The following BCKDHB variants were observed in gnomAD, a reference collection of about 807,000 sequenced individuals.
BCKDHB encodes branched chain keto acid dehydrogenase E1 subunit beta, also known as 2-oxoisovalerate dehydrogenase subunit beta, mitochondrial.
Under a neutral mutation model 48.5 loss-of-function variants are expected in BCKDHB, and 41 were observed. The observed-to-expected ratio is 0.85, with a 90% CI of 0.66 to 1.10. The LOEUF is 1.10. Among genes scored for constraint, BCKDHB ranks in the 50% least tolerant of loss-of-function variants. BCKDHB has a pLI of 0.00. For synonymous variants in BCKDHB, 201 were observed against 174.8 expected (o/e 1.15, Z -1.18); for missense variants, 496 against 494.2 (o/e 1.00, Z -0.03).
chr6:80,166,910 C>T (rs1489235785), intron 3 of BCKDHB, among the ~76,000 whole-genome samples: 1 of 152,030 alleles, frequency 6.6e-6, no homozygotes, highest in Non-Finnish European at 1.5e-5. Flanking sequence ...ATGTTTAAAT[C>T]ATCTCTATTT....
At chr6:80,294,645 T>G (rs1323802931) in intron 9 of BCKDHB, among the ~76,000 whole-genome samples, 2 of 152,206 alleles carry the variant, frequency 1.3e-5, no homozygotes, top group Non-Finnish European at 2.9e-5. Flanking sequence ...GTCTGTCTTA[T>G]GTGCTTGAGA....
chr6:80,405,771 A>T, the BCKDHB span, among the ~76,000 whole-genome samples: 1 of 152,150 alleles, frequency 6.6e-6, no homozygotes. Context: ...TTTTAGGTTG[A>T]TAACAATTTA....
chr6:80,446,759 C>T, the BCKDHB span, among the ~76,000 whole-genome samples: 4 of 121,208 alleles, frequency 3.3e-5, no homozygotes, highest in Non-Finnish European at 6.5e-5. Context: ...GGAGCATTCT[C>T]TCTTACAGAC....
At chr6:80,153,439 G>A (rs1771889214) in intron 3 of BCKDHB, among the ~76,000 whole-genome samples, 1 of 152,028 alleles carries the variant, frequency 6.6e-6, no homozygotes. Context: ...TAGAGTTTGA[G>A]GATAGTGGAT....
chr6:80,464,460 T>C, the BCKDHB span, among the ~76,000 whole-genome samples: 3 of 152,120 alleles, frequency 2.0e-5, no homozygotes, highest in Non-Finnish European at 4.4e-5. Context: ...CACTTAGCTC[T>C]ACTAATTATT....
chr6:80,107,256 C>T (rs1769125061), intron 1 of BCKDHB, among the ~76,000 whole-genome samples: 1 of 149,322 alleles, frequency 6.7e-6, no homozygotes, highest in African/African-American at 2.5e-5. Flanking sequence ...CTGGCCAGGA[C>T]TGGGCCACTA....
At position 80,127,531 on chromosome 6, in the gene BCKDHB, T is replaced by C. The variant is rs759961267; in HGVS notation, c.197-16T>C. On this transcript the variant is annotated splice_polypyrimidine_tract_variant and intron_variant, in intron 1 of 9. Transcript: ENST00000320393. ...TTTTACAACACACGAAATGATTTTTTTTTTGATTTTCACAGGGCAAACTCA... is the reference window on the plus strand; with the variant it reads ...TTTTACAACACACGAAATGATTTTTCTTTTGATTTTCACAGGGCAAACTCA... 2.4e-5 allele frequency: 38 copies of C among 1,605,210 alleles called. 1 individual carries two copies. The South Asian group carries it at 4.2e-4, about 18-fold the overall frequency.
intron 6 of BCKDHB, among the ~76,000 whole-genome samples, chr6:80,184,802 C>G (rs1335215591): frequency 1.3e-5 from 2 of 152,176 alleles, no homozygotes; most frequent in Non-Finnish European, 2.9e-5. Flanking sequence ...GCTGAGAAAT[C>G]TGCTGTTAAT....
chr6:80,318,710 G>T (rs1210439725), intron 9 of BCKDHB, among the ~76,000 whole-genome samples: 1 of 139,460 alleles, frequency 7.2e-6, no homozygotes, highest in Admixed American at 7.0e-5. Context: ...AAAAAGAAAA[G>T]AAATTAGAAA....
intron 3 of BCKDHB, among the ~76,000 whole-genome samples, chr6:80,135,681 T>C (rs1360502382): frequency 4.7e-4 from 72 of 152,184 alleles, no homozygotes; most frequent in Non-Finnish European, 2.2e-4. Flanking sequence ...TGGTCAAATA[T>C]ATATAACATT....
chr6:80,196,761 G>A (rs1420250953), intron 6 of BCKDHB, among the ~76,000 whole-genome samples: 1 of 152,086 alleles, frequency 6.6e-6, no homozygotes, highest in Non-Finnish European at 1.5e-5. Flanking sequence ...ATAGAATGGG[G>A]CCAAGGATGA....
At chr6:80,164,661 AATT>A (rs1582266512) in intron 3 of BCKDHB, among the ~76,000 whole-genome samples, 1 of 152,206 alleles carries the variant, frequency 6.6e-6, no homozygotes, top group East Asian at 1.9e-4. Context: ...TAAATGTATG[AATT>A]ATTATAGTCT....
the BCKDHB span, among the ~76,000 whole-genome samples, chr6:80,383,440 A>G: frequency 6.6e-6 from 1 of 152,226 alleles, no homozygotes; most frequent in Admixed American, 6.5e-5. Context: ...TTTAATGTAG[A>G]CAATTACATA....
intron 9 of BCKDHB, among the ~76,000 whole-genome samples, chr6:80,297,392 A>G (rs900572634): frequency 6.6e-6 from 1 of 152,214 alleles, no homozygotes; most frequent in Non-Finnish European, 1.5e-5. Flanking sequence ...CTGACAAACT[A>G]TTTGATTTAA....
chr6:80,207,063 G>A (rs1020882567), intron 8 of BCKDHB, among the ~76,000 whole-genome samples: 2 of 151,914 alleles, frequency 1.3e-5, no homozygotes, highest in Non-Finnish European at 2.9e-5. Flanking sequence ...TCACTAGCAG[G>A]CTCTCACTAA....
At chr6:80,278,761 CT>C (rs1336737423) in intron 9 of BCKDHB, among the ~76,000 whole-genome samples, 4 of 152,062 alleles carry the variant, frequency 2.6e-5, no homozygotes, top group African/African-American at 9.7e-5. Flanking sequence ...GTTTCACCAT[CT>C]TGGCCAGGCT....
At chr6:80,422,973 G>A in the BCKDHB span, among the ~76,000 whole-genome samples, 1 of 152,150 alleles carries the variant, frequency 6.6e-6, no homozygotes, top group African/African-American at 2.4e-5. Flanking sequence ...ATGTGAAAGG[G>A]ACATGAAATT....
At chr6:80,442,796 A>G in the BCKDHB span, among the ~76,000 whole-genome samples, 1 of 152,194 alleles carries the variant, frequency 6.6e-6, no homozygotes, top group Non-Finnish European at 1.5e-5. Flanking sequence ...TTCTAAAAGG[A>G]TATAACTTGC....
intron 9 of BCKDHB, among the ~76,000 whole-genome samples, chr6:80,338,403 C>T (rs1769709090): frequency 6.6e-6 from 1 of 152,140 alleles, no homozygotes. Flanking sequence ...GACCCCGGAA[C>T]CAGCAATTAG....
Sources: gnomAD v4.1 joint callset for allele counts (sites outside exome capture counted in the v4.1 genomes callset) on GRCh38, gnomAD v4.1.1 for gene constraint, MANE v1.5 for transcripts, NCBI Gene and HGNC (gene_info 2026-07-23, HGNC 2026-07-21) for gene names.